Variants in PCDH17 observed in about 807,000 individuals in gnomAD.
PCDH17 encodes protocadherin-17.
In PCDH17, 21 loss-of-function variants were observed where a neutral mutation model predicts 67.7. The observed-to-expected ratio is 0.31, with a 90% CI of 0.22 to 0.45. The LOEUF (loss-of-function observed/expected upper bound fraction) is 0.45, where lower values mean the gene tolerates loss of function less well. Ranked by LOEUF, PCDH17 falls within the 20% of genes least tolerant of loss-of-function variation. The pLI, the probability that PCDH17 is intolerant of heterozygous loss-of-function variation, is 1.00. For missense variants in PCDH17, 1,471 were observed against 1,564.8 expected, an observed-to-expected ratio of 0.94 and a Z score of 1.01; for synonymous variants, 701 against 656.7, an observed-to-expected ratio of 1.07 and a Z score of -1.03.
At chr13:57,694,940 A>G (rs185748090) in intron 3 of PCDH17, among the ~76,000 whole-genome samples, 15 of 151,250 alleles carry the variant, frequency 9.9e-5, no homozygotes, top group Non-Finnish European at 1.6e-4. Context: ...TAATTCCCTG[A>G]TGAGGAATAG....
Position 57,632,530 on chromosome 13 carries a change from C to A in PCDH17, c.-17C>A, listed in dbSNP as rs1227030943. 1.9e-6 allele frequency: 3 copies of A among 1,608,422 alleles called. No homozygotes were observed. In the South Asian group the frequency reaches 3.3e-5, roughly 18 times the overall value. On this transcript the variant is annotated 5_prime_UTR_variant, in exon 1 of 4. Transcript: ENST00000377918. ...CCTCCAGTCCGATTGCTCCTGCCCC[C>A]ACCTTACAGGTCTGGGATGTACCTT...
intron 3 of PCDH17, among the ~76,000 whole-genome samples, chr13:57,705,227 A>C (rs1017967552): frequency 6.6e-6 from 1 of 152,046 alleles, no homozygotes; most frequent in Admixed American, 6.6e-5. Context: ...AGTGAAATTT[A>C]GCATAATATT....
Position 57,654,319 on chromosome 13 carries a change from A to G in PCDH17, c.2566-12149A>G, listed in dbSNP as rs552186155. Reference sequence around the variant, plus strand: ...ATGAATGGGACATGGCTGAGTTCCAATAAAACTTTATTTTCAAAAACAGAT... The same window carrying G: ...ATGAATGGGACATGGCTGAGTTCCAGTAAAACTTTATTTTCAAAAACAGAT... On this transcript the variant is annotated intron_variant, in intron 1 of 3. Coordinates refer to ENST00000377918, the MANE Select transcript of PCDH17 (RefSeq NM_001040429.3). 4.1e-4 allele frequency among the ~76,000 whole-genome samples: 62 copies of G among 152,240 alleles called. 2 individuals carry two copies. The South Asian group carries it at 0.012, about 31-fold the overall frequency.
rs895413804 is a variant in PCDH17 at position 57,632,762 on chromosome 13, G to A, written c.216G>A (p.Pro72=). 3 of 1,612,392 alleles carry A rather than the reference G, an allele frequency of 1.9e-6. No individual in the cohort carries two copies. Among genetic ancestry groups the A allele is most frequent in the Admixed American group, 3.3e-5 (2 of 59,930 alleles). ...GSYRVLENSA[P]HLLDVDADSG... Reference sequence around the variant, plus strand: ...ACCGGGTGCTGGAGAACTCCGCACCGCACCTGCTGGACGTGGACGCAGACA... The same window carrying A: ...ACCGGGTGCTGGAGAACTCCGCACCACACCTGCTGGACGTGGACGCAGACA... Residue 72 remains proline (P), a synonymous_variant, in exon 1 of 4, where the codon CCG becomes CCA. Coordinates refer to ENST00000377918, the MANE Select transcript of PCDH17 (RefSeq NM_001040429.3).
intron 3 of PCDH17, among the ~76,000 whole-genome samples, chr13:57,719,058 T>C (rs1341318770): frequency 6.6e-6 from 1 of 152,008 alleles, no homozygotes; most frequent in African/African-American, 2.4e-5. Context: ...TAAATAGAGA[T>C]GAGTGCTTGC....
chr13:57,692,981 A>T (rs1205325371), intron 3 of PCDH17, among the ~76,000 whole-genome samples: 3 of 150,956 alleles, frequency 2.0e-5, no homozygotes, highest in Non-Finnish European at 3.0e-5. Context: ...AAGTATAAAG[A>T]TTTTCTTTTT....
At chr13:57,650,821 T>C (rs982456609) in intron 1 of PCDH17, among the ~76,000 whole-genome samples, 12 of 152,284 alleles carry the variant, frequency 7.9e-5, no homozygotes, top group Non-Finnish European at 1.5e-4. Context: ...CCATTGTTAA[T>C]TTTTTGTTGA....
At chr13:57,681,864 A>G (rs1358838206) in intron 3 of PCDH17, among the ~76,000 whole-genome samples, 1 of 151,776 alleles carries the variant, frequency 6.6e-6, no homozygotes, top group African/African-American at 2.4e-5. Context: ...AAGTGCTAGC[A>G]TGAGTGTTAT....
intron 1 of PCDH17, among the ~76,000 whole-genome samples, chr13:57,645,579 T>C (rs1954955225): frequency 6.6e-6 from 1 of 151,470 alleles, no homozygotes; most frequent in Non-Finnish European, 1.5e-5. Flanking sequence ...CTATGAAAAT[T>C]TGTATATAAT....
At chr13:57,668,738 C>A (rs1955285625) in intron 3 of PCDH17, among the ~76,000 whole-genome samples, 1 of 151,862 alleles carries the variant, frequency 6.6e-6, no homozygotes, top group Admixed American at 6.6e-5. Context: ...CCACACATCC[C>A]TATTAGTAAA....
rs1955928593 is a variant in PCDH17, at chr13:57,728,192, T to C, written c.*2898T>C. 6.6e-6 allele frequency: 1 copy of C among 152,582 alleles called. No individual in the cohort carries two copies. The highest frequency in any genetic ancestry group is 1.5e-5 in the Non-Finnish European group (1 of 67,998). The allele number at this position is 152,582 out of a possible 1,614,324, so 9.5% of individuals were successfully genotyped here. ...TCATTTAGCTGGCAACTGCCTTTAT[T>C]GCAGACCTCTGGTGCTTGGCTTTCA... On this transcript the variant is annotated 3_prime_UTR_variant, in exon 4 of 4. Coordinates refer to ENST00000377918, the MANE Select transcript of PCDH17 (RefSeq NM_001040429.3).
At chr13:57,660,036 C>T (rs916360337) in intron 1 of PCDH17, among the ~76,000 whole-genome samples, 2 of 151,638 alleles carry the variant, frequency 1.3e-5, no homozygotes, top group African/African-American at 4.9e-5. Context: ...AGTTCGAGTT[C>T]GAGACTAGGG....
intron 1 of PCDH17, among the ~76,000 whole-genome samples, 187 bp from the exon 2 acceptor site, chr13:57,666,281 G>A (rs1015061467): frequency 1.3e-5 from 2 of 152,030 alleles, no homozygotes; most frequent in Non-Finnish European, 2.9e-5. Context: ...TTTGTGGACC[G>A]GAATCATTTA....
intron 3 of PCDH17, among the ~76,000 whole-genome samples, chr13:57,693,214 CTT>C (rs5803841): frequency 2.1e-5 from 3 of 145,378 alleles, no homozygotes; most frequent in Admixed American, 6.9e-5. Context: ...AGACCAACAT[CTT>C]TTTTTTTTCA....
Position 57,728,941 on chromosome 13 carries a change from T to C in PCDH17, c.*3647T>C, listed in dbSNP as rs1247997788. Reference sequence around the variant, plus strand: ...AGTAAAAGTTACTGAGGTCAACAGATAGACAGGTCTGGCATAATATATGCC... The same window carrying C: ...AGTAAAAGTTACTGAGGTCAACAGACAGACAGGTCTGGCATAATATATGCC... On this transcript the variant is annotated 3_prime_UTR_variant, in exon 4 of 4. Transcript: ENST00000377918. 6.6e-6 allele frequency: 1 copy of C among 152,404 alleles called. No homozygotes were observed. The highest frequency in any genetic ancestry group is 1.5e-5 in the Non-Finnish European group (1 of 68,004). The allele number at this position is 152,404 out of a possible 1,614,324, so 9.4% of individuals were successfully genotyped here. A position where few individuals can be genotyped will look rare whatever the true frequency, so the allele number is the denominator to read the frequency against.
intron 1 of PCDH17, among the ~76,000 whole-genome samples, chr13:57,642,521 C>T (rs2137986477): frequency 6.6e-6 from 1 of 151,630 alleles, no homozygotes; most frequent in African/African-American, 2.4e-5. Context: ...CAAGTAATTT[C>T]TTTGCAACAA....
At chr13:57,715,592 A>G (rs1284485689) in intron 3 of PCDH17, among the ~76,000 whole-genome samples, 1 of 151,904 alleles carries the variant, frequency 6.6e-6, no homozygotes, top group Non-Finnish European at 1.5e-5. Context: ...ATTTAGGAAA[A>G]AATTGGAAGT....
At position 57,633,907 on chromosome 13, in the gene PCDH17, C is replaced by G; in HGVS notation, c.1361C>G (p.Ser454Cys). 6.2e-7 allele frequency: 1 copy of G among 1,613,316 alleles called. No homozygotes were observed. The highest frequency in any genetic ancestry group is 8.5e-7 in the Non-Finnish European group (1 of 1,180,032). The change falls in exon 1 of 4, where the codon TCC (serine) becomes TGC (cysteine). Residue 454 changes from serine to cysteine, a missense_variant. This residue lies in a region of PCDH17 where 1,163 missense variants were observed against 1,230.0 expected (regional missense o/e 0.95). Transcript: ENST00000377918. The surrounding 1 kb of genome is among the most constrained non-coding windows in gnomAD (Gnocchi z 6.2). Reference sequence around the variant, plus strand: ...GACGGGGGCTCTCCTCCCCTCAACTCCACCAAGTCGTTCGCGATCAAGATT... The same window carrying G: ...GACGGGGGCTCTCCTCCCCTCAACTGCACCAAGTCGTTCGCGATCAAGATT... ...ARDGGSPPLN[S>C]TKSFAIKILD...
intron 3 of PCDH17, among the ~76,000 whole-genome samples, chr13:57,696,330 C>G (rs1315853079): frequency 2.0e-5 from 3 of 151,206 alleles, no homozygotes; most frequent in Non-Finnish European, 4.4e-5. Flanking sequence ...TTTAGACAGA[C>G]AAATTCTTAT....
Sources: allele counts gnomAD v4.1 joint callset (sites outside exome capture counted in the v4.1 genomes callset), GRCh38; gene constraint gnomAD v4.1.1; regional missense constraint gnomAD v4.1.1; non-coding constraint Gnocchi (gnomAD v3.1); transcripts MANE v1.5; gene names NCBI Gene and HGNC (gene_info 2026-07-23, HGNC 2026-07-21).